Variants in SHLD1 observed in about 807,000 individuals in gnomAD.
The protein encoded by SHLD1 is RINN1-REV7-interacting novel NHEJ regulator 3.
In SHLD1, 3 loss-of-function variants were observed where a neutral mutation model predicts 5.5. The ratio of observed to expected loss-of-function variants is 0.54; its 90% CI spans 0.25 to 1.40. The LOEUF is 1.40. SHLD1 is among the 40% of genes most tolerant of loss of function. The probability of loss-of-function intolerance (pLI) is 0.15; values close to 1 mark genes in which losing one functional copy is unlikely to be tolerated. For synonymous variants in SHLD1, 92 were observed against 94.3 expected (o/e 0.98, Z 0.14); for missense variants, 210 against 244.4 (o/e 0.86, Z 0.94).
At chr20:5,861,181 T>C (rs142727762) in intron 2 of SHLD1, among the ~76,000 whole-genome samples, 1 of 152,350 alleles carries the variant, frequency 6.6e-6, no homozygotes, top group African/African-American at 2.4e-5. Context: ...TGCTTCTCCA[T>C]TGCGTGGTCC....
At chr20:5,832,459 A>G (rs2087740314) in intron 2 of SHLD1, among the ~76,000 whole-genome samples, 1 of 151,096 alleles carries the variant, frequency 6.6e-6, no homozygotes, top group African/African-American at 2.4e-5. Flanking sequence ...TCACCACTTA[A>G]ATTTTATTTA....
At chr20:5,780,397 G>A (rs1382373327) in intron 2 of SHLD1, among the ~76,000 whole-genome samples, 3 of 152,158 alleles carry the variant, frequency 2.0e-5, no homozygotes, top group African/African-American at 7.2e-5. Context: ...TGGTGGCACA[G>A]CACAGCCCAG....
chr20:5,816,039 C>T (rs2087525561), intron 2 of SHLD1, among the ~76,000 whole-genome samples: 1 of 147,834 alleles, frequency 6.8e-6, no homozygotes, highest in African/African-American at 2.5e-5. Flanking sequence ...TGAGATCACA[C>T]CACTGCACTC....
rs375701636 is a variant in SHLD1, at chr20:5,821,617, T to TCAATGGTTTGAAACAA, written c.179-41404_179-41403insTGGTTTGAAACAACAA. Among the ~76,000 whole-genome samples the TCAATGGTTTGAAACAA allele has an allele frequency of 7.6e-3, 1,163 of 152,262 alleles. 8 individuals carry two copies. The highest frequency in any genetic ancestry group is 0.027 in the African/African-American group (1,128 of 41,550). ...GAGTAATAACAAATTTCTGGAAAAC[T>TCAATGGTTTGAAACAA]CAAACATCGATCATATCAGAGTTTC... On this transcript the variant is annotated intron_variant, in intron 2 of 2. Coordinates refer to ENST00000303142, the MANE Select transcript of SHLD1 (RefSeq NM_152504.4).
intron 2 of SHLD1, among the ~76,000 whole-genome samples, chr20:5,795,425 C>G (rs567049516): frequency 6.6e-6 from 1 of 151,724 alleles, no homozygotes; most frequent in Non-Finnish European, 1.5e-5. Flanking sequence ...GGCAAAACCC[C>G]CCTCTGTACT....
chr20:5,811,566 G>C (rs955862993), intron 2 of SHLD1, among the ~76,000 whole-genome samples: 1 of 152,044 alleles, frequency 6.6e-6, no homozygotes, highest in African/African-American at 2.4e-5. Flanking sequence ...TCAAGCTGGA[G>C]ACCTGAGGCT....
At chr20:5,783,503 C>T (rs373138856) in intron 2 of SHLD1, among the ~76,000 whole-genome samples, 2 of 152,106 alleles carry the variant, frequency 1.3e-5, no homozygotes, top group South Asian at 4.2e-4. Flanking sequence ...GGATTATAGG[C>T]GAGAGCCACC....
At chr20:5,786,171 C>A (rs1053542792) in intron 2 of SHLD1, among the ~76,000 whole-genome samples, 1 of 152,220 alleles carries the variant, frequency 6.6e-6, no homozygotes, top group Non-Finnish European at 1.5e-5. Flanking sequence ...TAGAATCCCT[C>A]TTCCCCAAGG....
chr20:5,763,890 C>T (rs1984620076), intron 1 of SHLD1, among the ~76,000 whole-genome samples: 2 of 141,132 alleles, frequency 1.4e-5, no homozygotes, highest in African/African-American at 5.3e-5. Flanking sequence ...GGGTGGATCA[C>T]TTGAGGTCAG....
chr20:5,753,005 G>T (rs1457312224), intron 1 of SHLD1, among the ~76,000 whole-genome samples: 4 of 152,022 alleles, frequency 2.6e-5, no homozygotes, highest in African/African-American at 7.2e-5. Context: ...CACCATGTTG[G>T]TCAGGCTGGT....
Position 5,832,232 on chromosome 20 carries a change from C to T in SHLD1, c.179-30792C>T, listed in dbSNP as rs183709975. On this transcript the variant is annotated intron_variant, in intron 2 of 2. Coordinates refer to ENST00000303142, the MANE Select transcript of SHLD1 (RefSeq NM_152504.4). The stretch of plus-strand genomic sequence containing the variant: ...CTGGGATTACAAGCATGAGCCTCTG[C>T]GCTGGGCCTCTCTTCATTTCTAGAG... 2.9e-3 allele frequency among the ~76,000 whole-genome samples: 448 copies of T among 152,310 alleles called. 2 individuals carry two copies. The highest frequency in any genetic ancestry group is 9.9e-3 in the African/African-American group (412 of 41,564).
At chr20:5,800,141 A>G (rs2122334753) in intron 2 of SHLD1, among the ~76,000 whole-genome samples, 1 of 152,350 alleles carries the variant, frequency 6.6e-6, no homozygotes, top group African/African-American at 2.4e-5. Flanking sequence ...TAAGCATGAT[A>G]CAATGCACAG....
At chr20:5,790,006 C>T (rs978516233) in intron 2 of SHLD1, among the ~76,000 whole-genome samples, 1 of 152,208 alleles carries the variant, frequency 6.6e-6, no homozygotes, top group African/African-American at 2.4e-5. Context: ...TTCAGAGGGC[C>T]TGGGACTTCC....
At position 5,855,077 on chromosome 20, in the gene SHLD1, T is replaced by C. The variant is rs1301701462; in HGVS notation, c.179-7947T>C. 6.6e-6 allele frequency among the ~76,000 whole-genome samples: 1 copy of C among 152,000 alleles called. No homozygotes were observed. The highest frequency in any genetic ancestry group is 2.1e-4 in the South Asian group (1 of 4,806). ...TTTTTTTGTAGAGGCAGGGTCTTGCTATGTTGCCTAGGTTGGTCTCAAACT... is the reference window on the plus strand; with the variant it reads ...TTTTTTTGTAGAGGCAGGGTCTTGCCATGTTGCCTAGGTTGGTCTCAAACT... On this transcript the variant is annotated intron_variant, in intron 2 of 2. Transcript: ENST00000303142. This position sits in a 1 kb window ranked among gnomAD's most constrained non-coding sequence, Gnocchi z 4.4.
At chr20:5,786,312 C>T (rs556744819) in intron 2 of SHLD1, among the ~76,000 whole-genome samples, 1 of 152,338 alleles carries the variant, frequency 6.6e-6, no homozygotes, top group African/African-American at 2.4e-5. Flanking sequence ...TGCAGTGGCT[C>T]ACCCTTGTGA....
Position 5,773,006 on chromosome 20 carries a change from ATTCCATTCTT to A in SHLD1, c.146_155del (p.His49LeufsTer13). On this transcript the variant is annotated frameshift_variant, in exon 2 of 3. Coordinates refer to ENST00000303142, the MANE Select transcript of SHLD1 (RefSeq NM_152504.4). LOFTEE classifies it low-confidence loss of function (END_TRUNC). ...ACAGCGAGGCTTTCAGTTCTTTGGAATTCCATTCTTTTCCTTATTCTTCTGATGTGGATCC... is the reference window on the plus strand; with the variant it reads ...ACAGCGAGGCTTTCAGTTCTTTGGAATTCCTTATTCTTCTGATGTGGATCC... 3.1e-6 allele frequency: 5 copies of A among 1,614,216 alleles called. No individual in the cohort carries two copies. The highest frequency in any genetic ancestry group is 4.2e-6 in the Non-Finnish European group (5 of 1,180,030).
chr20:5,860,476 C>G (rs2088147043), intron 2 of SHLD1, among the ~76,000 whole-genome samples: 1 of 152,130 alleles, frequency 6.6e-6, no homozygotes, highest in Non-Finnish European at 1.5e-5. Flanking sequence ...ATAAAATCAT[C>G]AAAATCAAGA....
chr20:5,758,415 T>G (rs1019247170), intron 1 of SHLD1, among the ~76,000 whole-genome samples: 1 of 123,798 alleles, frequency 8.1e-6, no homozygotes, highest in African/African-American at 2.7e-5. Context: ...CAAGTATTAT[T>G]TTTTTTTATA....
At position 5,830,683 on chromosome 20, in the gene SHLD1, C is replaced by A. The variant is rs1197780511; in HGVS notation, c.179-32341C>A. 4.8e-5 allele frequency among the ~76,000 whole-genome samples: 6 copies of A among 125,800 alleles called. 1 individual carries two copies. In the South Asian group the frequency reaches 1.2e-3, roughly 25 times the overall value. 82.5% of individuals were successfully genotyped at this position (125,800 alleles called of 152,430 possible). On this transcript the variant is annotated intron_variant, in intron 2 of 2. Coordinates refer to ENST00000303142, the MANE Select transcript of SHLD1 (RefSeq NM_152504.4). ...AGCCTGGGCAACAAGAGTGAAACTC[C>A]GTCTTAAAAAAAAAAAAAAAAAAGC...
Sources: allele counts gnomAD v4.1 joint callset (sites outside exome capture counted in the v4.1 genomes callset), GRCh38; gene constraint gnomAD v4.1.1; non-coding constraint Gnocchi (gnomAD v3.1); transcripts MANE v1.5; gene names NCBI Gene and HGNC (gene_info 2026-07-23, HGNC 2026-07-21).